Variants in RYR2 observed in about 807,000 individuals in gnomAD.
RYR2 encodes the protein cardiac muscle ryanodine receptor-calcium release channel.
In RYR2, 227 loss-of-function variants were observed where a neutral mutation model predicts 601.1. That is an observed-to-expected ratio of 0.38 (90% CI 0.34 to 0.42). The LOEUF is 0.42. Ranked by LOEUF, RYR2 falls within the 10% of genes least tolerant of loss-of-function variation. The probability of loss-of-function intolerance (pLI) is 1.00; values close to 1 mark genes in which losing one functional copy is unlikely to be tolerated. For missense variants in RYR2, 4,646 were observed against 6,156.5 expected (o/e 0.75, Z 8.21); for synonymous variants, 2,223 against 2,175.1 (o/e 1.02, Z -0.61).
At chr1:237,478,052 C>T (rs1661599855) in intron 17 of RYR2, among the ~76,000 whole-genome samples, 1 of 152,082 alleles carries the variant, frequency 6.6e-6, no homozygotes, top group Non-Finnish European at 1.5e-5. Context: ...TGTAGTCAGC[C>T]CATTAGGATA....
intron 84 of RYR2, among the ~76,000 whole-genome samples, chr1:237,766,071 G>A (rs1693826681): frequency 6.6e-6 from 1 of 152,166 alleles, no homozygotes; most frequent in South Asian, 2.1e-4. Flanking sequence ...CATATGCAAA[G>A]TTCAAGGTAC....
At chr1:237,055,714 C>A (rs962029005) in intron 1 of RYR2, among the ~76,000 whole-genome samples, 1 of 152,158 alleles carries the variant, frequency 6.6e-6, no homozygotes, top group African/African-American at 2.4e-5. Flanking sequence ...TGAATTATGG[C>A]TCCCTAAAAA....
chr1:237,137,156 A>ATTTGTG (rs779005039), intron 1 of RYR2, among the ~76,000 whole-genome samples: 10 of 151,864 alleles, frequency 6.6e-5, no homozygotes, highest in Non-Finnish European at 1.5e-4. Context: ...CAGTAACATG[A>ATTTGTG]TTTGTGTGTA....
intron 1 of RYR2, among the ~76,000 whole-genome samples, chr1:237,066,635 G>A (rs9428656): frequency 0.77 from 116,145 of 150,212 alleles, 45,491 homozygotes; most frequent in East Asian, 0.99. Context: ...TGCCACCCGT[G>A]TCTTTCTTTT....
chr1:237,438,129 A>G (rs981997509), intron 12 of RYR2, among the ~76,000 whole-genome samples: 3 of 152,110 alleles, frequency 2.0e-5, no homozygotes, highest in Non-Finnish European at 2.9e-5. Context: ...TTGTATTTAA[A>G]TTATTTTCAT....
chr1:237,068,707 C>G (rs1663947152), intron 1 of RYR2, among the ~76,000 whole-genome samples: 1 of 152,132 alleles, frequency 6.6e-6, no homozygotes. Context: ...ATGATTGAAG[C>G]AAATATGTAA....
intron 25 of RYR2, among the ~76,000 whole-genome samples, chr1:237,535,618 C>G (rs773587144): frequency 1.3e-5 from 2 of 151,912 alleles, no homozygotes; most frequent in Admixed American, 1.3e-4. Flanking sequence ...ATTTTCATAT[C>G]AAAGCCCAGA....
intron 93 of RYR2, among the ~76,000 whole-genome samples, 168 bp downstream of exon 93, chr1:237,791,683 A>AT (rs1658392843): frequency 1.3e-5 from 2 of 152,222 alleles, no homozygotes; most frequent in Admixed American, 6.5e-5. Context: ...GGCAAGATAG[A>AT]TTTGTTCCTG....
At position 237,123,551 on chromosome 1, in the gene RYR2, C is replaced by T. The variant is rs73117627; in HGVS notation, c.48+80982C>T. Among the ~76,000 whole-genome samples, 824 of 151,862 alleles carry T rather than the reference C, an allele frequency of 5.4e-3. 4 individuals carry two copies. Among genetic ancestry groups the T allele is most frequent in the African/African-American group, 0.019 (767 of 41,382 alleles). Reference sequence around the variant, plus strand: ...ACAGTGAGCTACGACTGTGCCACTGCGCTCAAATCTGGGTGACAGAGTGGG... The same window carrying T: ...ACAGTGAGCTACGACTGTGCCACTGTGCTCAAATCTGGGTGACAGAGTGGG... On this transcript the variant is annotated intron_variant, in intron 1 of 104. Transcript: ENST00000366574.
intron 2 of RYR2, among the ~76,000 whole-genome samples, chr1:237,291,397 C>T (rs966218725): frequency 2.0e-5 from 3 of 152,026 alleles, no homozygotes; most frequent in Non-Finnish European, 4.4e-5. Flanking sequence ...CATAGCTAAA[C>T]ATACTTTTAC....
At chr1:237,164,323 T>C (rs1465089593) in intron 1 of RYR2, among the ~76,000 whole-genome samples, 1 of 152,140 alleles carries the variant, frequency 6.6e-6, no homozygotes. Flanking sequence ...AGGGATAACA[T>C]CAGAATGCTG....
intron 1 of RYR2, among the ~76,000 whole-genome samples, chr1:237,256,669 T>C (rs563346240): frequency 6.6e-6 from 1 of 152,350 alleles, no homozygotes; most frequent in South Asian, 2.1e-4. Flanking sequence ...TTTTATCAAG[T>C]ACTTTAATGA....
At position 237,707,136 on chromosome 1, in the gene RYR2, C is replaced by A; in HGVS notation, c.9768C>A (p.Asn3256Lys). ...GTTGGTGGGAGCATGGACCTGAGAA[C>A]AATCCAGAACGGGCCGAGATGTGCT... ...MSRWWEHGPE[N>K]NPERAEMCCT... Residue 3256 changes from asparagine to lysine, a missense_variant, in exon 68 of 105, where the codon AAC (asparagine) becomes AAA (lysine). Coordinates refer to ENST00000366574, the MANE Select transcript of RYR2 (RefSeq NM_001035.3). 2 of 1,613,850 alleles carry A rather than the reference C, an allele frequency of 1.2e-6. No individual in the cohort carries two copies. The highest frequency in any genetic ancestry group is 1.3e-5 in the African/African-American group (1 of 74,994).
intron 65 of RYR2, among the ~76,000 whole-genome samples, chr1:237,700,749 A>T (rs1164529963): frequency 6.6e-6 from 1 of 152,178 alleles, no homozygotes; most frequent in African/African-American, 2.4e-5. Context: ...CTATTTCTAC[A>T]TTGCCTCTTT....
chr1:237,270,591 T>G lies in RYR2; in HGVS notation c.143T>G (p.Phe48Cys). The change falls in exon 2 of 105, where the codon TTC (phenylalanine) becomes TGC (cysteine). Residue 48 changes from phenylalanine to cysteine, a missense_variant. Physicochemically the swap from Phe to Cys is radical, Grantham distance 205. Transcript: ENST00000366574. Reference sequence around the variant, plus strand: ...GAAGGATTTGGCAACAGACTTTGTTTCTTGGAGTCCACTTCCAATTCCAAG... The same window carrying G: ...GAAGGATTTGGCAACAGACTTTGTTGCTTGGAGTCCACTTCCAATTCCAAG... ...AAEGFGNRLC[F>C]LESTSNSKNV... 1.9e-6 allele frequency: 3 copies of G among 1,591,884 alleles called. No individual in the cohort carries two copies. Among genetic ancestry groups the G allele is most frequent in the Non-Finnish European group, 2.6e-6 (3 of 1,168,462 alleles).
chr1:237,362,079 T>C (rs943089999), intron 4 of RYR2, among the ~76,000 whole-genome samples: 1 of 152,202 alleles, frequency 6.6e-6, no homozygotes, highest in African/African-American at 2.4e-5. Context: ...TCCATGTTAA[T>C]GTGGCATGTG....
intron 24 of RYR2, among the ~76,000 whole-genome samples, chr1:237,513,733 A>G (rs1666142176): frequency 6.6e-6 from 1 of 152,350 alleles, no homozygotes; most frequent in East Asian, 1.9e-4. Flanking sequence ...GCCTAGCAGC[A>G]ATAGGCTATA....
intron 77 of RYR2, among the ~76,000 whole-genome samples, 139 bp from the exon 78 acceptor site, chr1:237,731,891 TACACACACACACACAC>T (rs71561898): frequency 4.7e-5 from 7 of 147,404 alleles, no homozygotes; most frequent in African/African-American, 1.7e-4. Context: ...GCATATAAAA[TACACACACACACACAC>T]ACACACACAC....
chr1:237,146,578 C>T (rs375923103), intron 1 of RYR2, among the ~76,000 whole-genome samples: 3 of 152,168 alleles, frequency 2.0e-5, no homozygotes, highest in Admixed American at 6.5e-5. Context: ...AGCTGTTTTT[C>T]TTGACTAGTT....
Sources: allele counts gnomAD v4.1 joint callset (sites outside exome capture counted in the v4.1 genomes callset), GRCh38; gene constraint gnomAD v4.1.1; transcripts MANE v1.5; gene names NCBI Gene and HGNC (gene_info 2026-07-23, HGNC 2026-07-21).